The following GPR176 variants were observed in gnomAD, a reference collection of about 807,000 sequenced individuals.
GPR176 encodes the protein G-protein coupled receptor 176.
A neutral mutation model predicts 35.4 loss-of-function variants in GPR176; 26 were observed. The observed-to-expected ratio is 0.74, with a 90% confidence interval of 0.54 to 1.02. GPR176 has a LOEUF of 1.02. Among genes scored for constraint, GPR176 ranks in the 50% least tolerant of loss-of-function variants. The probability of loss-of-function intolerance (pLI) is 0.00; values close to 1 mark genes in which losing one functional copy is unlikely to be tolerated. For synonymous variants in GPR176, 278 were observed against 271.3 expected (o/e 1.02, Z -0.24); for missense variants, 597 against 665.3 (o/e 0.90, Z 1.13).
intron 1 of GPR176, among the ~76,000 whole-genome samples, chr15:39,842,018 CTAATG>C (rs1248775697): frequency 6.6e-6 from 1 of 152,112 alleles, no homozygotes; most frequent in Non-Finnish European, 1.5e-5. Context: ...GCTCATCTCA[CTAATG>C]ATGAGTGCTA....
intron 1 of GPR176, among the ~76,000 whole-genome samples, chr15:39,892,111 A>G (rs1459414321): frequency 1.3e-5 from 2 of 152,202 alleles, no homozygotes; most frequent in Non-Finnish European, 2.9e-5. Flanking sequence ...CAGGTGCTAT[A>G]GGGAAAAAGA....
chr15:39,885,083 G>T (rs558331472), intron 1 of GPR176, among the ~76,000 whole-genome samples: 1 of 152,024 alleles, frequency 6.6e-6, no homozygotes, highest in African/African-American at 2.4e-5. Context: ...CTAAGTTCCC[G>T]ATCGTTTGCC....
chr15:39,806,702 A>G (rs968071757), intron 2 of GPR176, among the ~76,000 whole-genome samples: 1 of 152,228 alleles, frequency 6.6e-6, no homozygotes, highest in African/African-American at 2.4e-5. Flanking sequence ...GCAAATTGCA[A>G]CACAAATACC....
At chr15:39,888,386 AG>A (rs1389243522) in intron 1 of GPR176, among the ~76,000 whole-genome samples, 1 of 152,088 alleles carries the variant, frequency 6.6e-6, no homozygotes, top group Admixed American at 6.5e-5. Context: ...CCTGGGCTCA[AG>A]CAATCCTCTC....
intron 1 of GPR176, among the ~76,000 whole-genome samples, chr15:39,893,746 CT>C (rs2032968098): frequency 6.8e-6 from 1 of 146,774 alleles, no homozygotes; most frequent in Non-Finnish European, 1.5e-5. Flanking sequence ...ACCCCCCCAC[CT>C]CCCTCCCGGG....
chr15:39,917,980 G>T (rs1383632709), intron 1 of GPR176, among the ~76,000 whole-genome samples: 2 of 150,980 alleles, frequency 1.3e-5, no homozygotes, highest in African/African-American at 2.4e-5. Context: ...AGGAGGCAGA[G>T]GTTGCAGTGA....
At chr15:39,820,731 A>G (rs1304807491) in intron 1 of GPR176, among the ~76,000 whole-genome samples, 4 of 152,204 alleles carry the variant, frequency 2.6e-5, no homozygotes, top group African/African-American at 9.7e-5. Flanking sequence ...GTGGGCAGAA[A>G]CAACACCTTT....
chr15:39,810,832 A>T (rs1040085397), intron 1 of GPR176, among the ~76,000 whole-genome samples: 2 of 152,244 alleles, frequency 1.3e-5, no homozygotes, highest in South Asian at 2.1e-4. Context: ...CACTTAGTAT[A>T]CACCTTGTGA....
At position 39,878,035 on chromosome 15, in the gene GPR176, C is replaced by A. The variant is rs555406915; in HGVS notation, c.172+41820G>T. On this transcript the variant is annotated intron_variant, in intron 1 of 2. Coordinates refer to ENST00000561100, the MANE Select transcript of GPR176 (RefSeq NM_007223.3). The stretch of plus-strand genomic sequence containing the variant: ...AAGGTATACATGATGTTTTGATATA[C>A]ATGTACATTATGATTACCACAATCA... 7.9e-5 allele frequency among the ~76,000 whole-genome samples: 12 copies of A among 151,130 alleles called. No homozygotes were observed. In the South Asian group the frequency reaches 2.5e-3, roughly 32 times the overall value.
intron 1 of GPR176, among the ~76,000 whole-genome samples, chr15:39,873,642 G>C (rs1182073535): frequency 1.4e-5 from 2 of 147,118 alleles, no homozygotes; most frequent in Non-Finnish European, 3.0e-5. Context: ...TTTGAGACTA[G>C]TTTTTCTTAT....
At chr15:39,908,784 C>T (rs2033496039) in intron 1 of GPR176, among the ~76,000 whole-genome samples, 1 of 152,130 alleles carries the variant, frequency 6.6e-6, no homozygotes, top group East Asian at 1.9e-4. Context: ...AAGATGGCGC[C>T]TTTAGCAACA....
chr15:39,869,152 T>TAAAAAA (rs66463189), intron 1 of GPR176, among the ~76,000 whole-genome samples: 1,491 of 129,928 alleles, frequency 0.011, 32 homozygotes, highest in African/African-American at 0.038. Flanking sequence ...AACTGCTTTT[T>TAAAAAA]AAAAAAAAAA....
chr15:39,824,055 C>T (rs75958163), intron 1 of GPR176, among the ~76,000 whole-genome samples: 2,110 of 151,772 alleles, frequency 0.014, 52 homozygotes, highest in African/African-American at 0.048. Flanking sequence ...CGGTGCCATC[C>T]CCATGGTAAT....
At chr15:39,879,262 G>C (rs1042568629) in intron 1 of GPR176, among the ~76,000 whole-genome samples, 2 of 152,146 alleles carry the variant, frequency 1.3e-5, no homozygotes, top group South Asian at 2.1e-4. Context: ...TTAACTCCCT[G>C]TCCAGTACTA....
At chr15:39,812,886 G>A (rs1243304204) in intron 1 of GPR176, among the ~76,000 whole-genome samples, 1 of 151,894 alleles carries the variant, frequency 6.6e-6, no homozygotes, top group Non-Finnish European at 1.5e-5. Flanking sequence ...TGGGACTACT[G>A]GTGCATACTA....
At chr15:39,917,873 C>T (rs576437174) in intron 1 of GPR176, among the ~76,000 whole-genome samples, 3 of 151,540 alleles carry the variant, frequency 2.0e-5, no homozygotes, top group East Asian at 2.0e-4. Context: ...GGTGAAACCC[C>T]GTCTCTACTA....
rs117731985 is a variant in GPR176, at chr15:39,915,049, G to C, written c.172+4806C>G. The stretch of plus-strand genomic sequence containing the variant: ...TGAATACTTCAATAACCACCTCATG[G>C]AATCAAGCCACAGGCAAGTTGGATC... On this transcript the variant is annotated intron_variant, in intron 1 of 2. Transcript: ENST00000561100. 7.1e-3 allele frequency among the ~76,000 whole-genome samples: 1,075 copies of C among 152,180 alleles called. 8 individuals carry two copies. Among genetic ancestry groups the C allele is most frequent in the East Asian group, 0.04 (205 of 5,184 alleles).
At position 39,901,835 on chromosome 15, in the gene GPR176, A is replaced by C. The variant is rs560436112; in HGVS notation, c.172+18020T>G. ...ACACCTGTAATCCCAGCACTCTGGG[A>C]AGCCAAGGAAGGCAGATAATTTGAG... On this transcript the variant is annotated intron_variant, in intron 1 of 2. Transcript: ENST00000561100. Among the ~76,000 whole-genome samples the C allele has an allele frequency of 2.6e-5, 4 of 152,278 alleles. No homozygotes were observed. The South Asian group carries it at 8.3e-4, about 32-fold the overall frequency.
rs187958788 is a variant in GPR176 at position 39,811,840 on chromosome 15, T to C, written c.173-4582A>G. Among the ~76,000 whole-genome samples, 122 of 150,050 alleles carry C rather than the reference T, an allele frequency of 8.1e-4. 1 individual carries two copies. Among genetic ancestry groups the C allele is most frequent in the Non-Finnish European group, 3.4e-4 (23 of 67,696 alleles). ...CTGAGGCAGGAGAATGGCGTGAACC[T>C]GGGAGGCGGAGCTTGCAGTGAGCCG... On this transcript the variant is annotated intron_variant, in intron 1 of 2. Transcript: ENST00000561100.
Sources: gnomAD v4.1 joint callset for allele counts (sites outside exome capture counted in the v4.1 genomes callset) on GRCh38, gnomAD v4.1.1 for gene constraint, MANE v1.5 for transcripts, NCBI Gene and HGNC (gene_info 2026-07-23, HGNC 2026-07-21) for gene names.